The following KCNAB2 variants were observed in gnomAD, a reference collection of about 807,000 sequenced individuals.
KCNAB2 encodes the protein voltage-gated potassium channel subunit beta-2.
A neutral mutation model predicts 63.6 loss-of-function variants in KCNAB2; 29 were observed. The ratio of observed to expected loss-of-function variants is 0.46; its 90% CI spans 0.34 to 0.62. The LOEUF (loss-of-function observed/expected upper bound fraction) is 0.62. Among genes scored for constraint, KCNAB2 ranks in the 20% least tolerant of loss-of-function variants. KCNAB2 has a pLI of 0.01. For missense variants in KCNAB2, 359 were observed against 563.9 expected, an observed-to-expected ratio of 0.64 and a Z score of 3.68; for synonymous variants, 222 against 224.2, an observed-to-expected ratio of 0.99 and a Z score of 0.09.
rs188194100 is a variant in KCNAB2, at chr1:6,055,329, G to A, written c.218+3575G>A. ...CCTTGGGGATCTCGCTTCTCAGGGA[G>A]TGGAGGAGACCAGAAGACAAACGCT... On this transcript the variant is annotated intron_variant, in intron 2 of 15. Transcript: ENST00000378083. Among the ~76,000 whole-genome samples, 364 of 151,550 alleles carry A rather than the reference G, an allele frequency of 2.4e-3. 1 individual carries two copies. Among genetic ancestry groups the A allele is most frequent in the Non-Finnish European group, 3.3e-3 (227 of 67,882 alleles).
intron 1 of KCNAB2, among the ~76,000 whole-genome samples, chr1:6,014,286 G>A (rs985791625): frequency 1.3e-5 from 2 of 152,128 alleles, no homozygotes; most frequent in East Asian, 1.9e-4. Context: ...CAGCTTCAGC[G>A]TAGGACTTGG....
Position 6,096,973 on chromosome 1 carries a change from C to T in KCNAB2, c.1069+217C>T, listed in dbSNP as rs906922426. Among the ~76,000 whole-genome samples the T allele has an allele frequency of 6.6e-6, 1 of 152,140 alleles. No homozygotes were observed. Among genetic ancestry groups the T allele is most frequent in the Non-Finnish European group, 1.5e-5 (1 of 67,994 alleles). ...GGGGATGTCAGGAGTCCCTGAGGAC[C>T]TGGGCCACCCCCTCCATCTGCCAGC... On this transcript the variant is annotated intron_variant, in intron 14 of 15. Transcript: ENST00000378083. The surrounding 1 kb of genome is among the most constrained non-coding windows in gnomAD (Gnocchi z 5.9).
At chr1:6,025,343 G>A (rs544677563) in intron 1 of KCNAB2, among the ~76,000 whole-genome samples, 31 of 152,260 alleles carry the variant, frequency 2.0e-4, no homozygotes, top group African/African-American at 7.0e-4. Flanking sequence ...GGCACCATGG[G>A]AGATGGAATG....
chr1:6,047,281 G>C (rs567164568), intron 1 of KCNAB2, among the ~76,000 whole-genome samples: 1 of 152,136 alleles, frequency 6.6e-6, no homozygotes, highest in Non-Finnish European at 1.5e-5. Flanking sequence ...GTGTCTTACC[G>C]GGGGGCCCTT....
intron 1 of KCNAB2, among the ~76,000 whole-genome samples, chr1:6,000,788 G>A (rs191745129): frequency 8.5e-5 from 13 of 152,182 alleles, no homozygotes; most frequent in African/African-American, 2.9e-4. Context: ...CCTCTCCAGG[G>A]CAGTGCTACA....
At chr1:6,083,452 A>T (rs890582997) in intron 5 of KCNAB2, among the ~76,000 whole-genome samples, 2 of 151,866 alleles carry the variant, frequency 1.3e-5, no homozygotes, top group African/African-American at 4.8e-5. Context: ...CCCCTGTTTA[A>T]CTGGACACCC....
At chr1:6,042,385 A>G (rs1417549268), upstream of KCNAB2, among the ~76,000 whole-genome samples, 1 of 152,028 alleles carries the variant, frequency 6.6e-6, no homozygotes, top group African/African-American at 2.4e-5. Flanking sequence ...CATCTTTCTG[A>G]TATGTTTTTC....
upstream of KCNAB2, among the ~76,000 whole-genome samples, chr1:6,042,843 A>ACCCACC: frequency 3.4e-5 from 1 of 29,028 alleles, no homozygotes; most frequent in African/African-American, 1.4e-4. Flanking sequence ...CCCACTCCCC[A>ACCCACC]CCCCCCCCCC....
upstream of KCNAB2, among the ~76,000 whole-genome samples, chr1:6,045,272 C>T (rs575841715): frequency 6.6e-6 from 1 of 152,324 alleles, no homozygotes; most frequent in East Asian, 1.9e-4. This position sits in a 1 kb window ranked among gnomAD's most constrained non-coding sequence, Gnocchi z 4.8. Context: ...GGCGCGCTTT[C>T]TCAGCCGGAA....
intron 1 of KCNAB2, among the ~76,000 whole-genome samples, chr1:6,002,274 T>A (rs1196480434): frequency 6.6e-6 from 1 of 152,206 alleles, no homozygotes; most frequent in African/African-American, 2.4e-5. Flanking sequence ...CAAGGGATCC[T>A]CCCCAAGGGG....
rs775249700 is a variant in KCNAB2 at position 6,096,358 on chromosome 1, C to T, written c.949-278C>T. The T allele has an allele frequency of 8.5e-5, 44 of 520,360 alleles. 1 individual carries two copies. Among genetic ancestry groups the T allele is most frequent in the Non-Finnish European group, 1.4e-4 (41 of 286,418 alleles). The allele number at this position is 520,360 out of a possible 1,614,324, so 32.2% of individuals were successfully genotyped here. A position where few individuals can be genotyped will look rare whatever the true frequency, so the allele number is the denominator to read the frequency against. On this transcript the variant is annotated intron_variant, in intron 13 of 15. Coordinates refer to ENST00000378083, the MANE Select transcript of KCNAB2 (RefSeq NM_001199862.2). The surrounding 1 kb of genome is among the most constrained non-coding windows in gnomAD (Gnocchi z 5.9). ...CCTAAGAGAAGGAAGGCCAGCACCT[C>T]GCCTCCTTGTCCTGACTTGGGGTTG...
At chr1:6,043,483 T>C (rs1660671835), upstream of KCNAB2, among the ~76,000 whole-genome samples, 1 of 152,198 alleles carries the variant, frequency 6.6e-6, no homozygotes, top group African/African-American at 2.4e-5. Flanking sequence ...AGGGAAGCTC[T>C]GAAGCTTACC....
chr1:6,000,158 G>A lies in KCNAB2; in HGVS notation c.-53+7370G>A, dbSNP rs183696938. Among the ~76,000 whole-genome samples the A allele has an allele frequency of 2.0e-5, 3 of 152,114 alleles. No individual in the cohort carries two copies. The East Asian group carries it at 5.8e-4, about 29-fold the overall frequency. On this transcript the variant is annotated intron_variant, in intron 1 of 16. Coordinates refer to the KCNAB2 transcript ENST00000341524. ...CTAGATAGATCCTGCAGCGCCTCCC[G>A]CCTCTGCTCAGCCAGCCCCCCGCAC...
At chr1:6,056,596 T>A (rs1661848376) in intron 2 of KCNAB2, among the ~76,000 whole-genome samples, 1 of 152,144 alleles carries the variant, frequency 6.6e-6, no homozygotes, top group Admixed American at 6.5e-5. Flanking sequence ...TGTGTTTTCC[T>A]CTGCTCCCCA....
At chr1:6,081,798 T>C (rs1329743574) in intron 4 of KCNAB2, among the ~76,000 whole-genome samples, 1 of 152,188 alleles carries the variant, frequency 6.6e-6, no homozygotes, top group Non-Finnish European at 1.5e-5. Context: ...TCATCTTCGC[T>C]AATTACATTG....
chr1:6,066,964 AC>A (rs1201535505), intron 2 of KCNAB2, among the ~76,000 whole-genome samples: 2 of 152,146 alleles, frequency 1.3e-5, no homozygotes, highest in Non-Finnish European at 2.9e-5. Flanking sequence ...GAGGATGCCG[AC>A]CACTCATGTC....
chr1:6,089,982 A>G (rs758395616), intron 8 of KCNAB2, among the ~76,000 whole-genome samples: 1 of 152,244 alleles, frequency 6.6e-6, no homozygotes. Flanking sequence ...GATTACAGGC[A>G]TGGGCCACCA....
chr1:6,060,681 GA>G (rs1662233188), intron 2 of KCNAB2, among the ~76,000 whole-genome samples: 2 of 152,126 alleles, frequency 1.3e-5, no homozygotes. Context: ...GCAGGTGGCG[GA>G]TCACAAGGTC....
chr1:6,049,509 C>T (rs1424656922), intron 1 of KCNAB2, among the ~76,000 whole-genome samples: 1 of 152,196 alleles, frequency 6.6e-6, no homozygotes, highest in Non-Finnish European at 1.5e-5. Flanking sequence ...AGCCCCCCCA[C>T]CCCCGGGAGC....
Sources: allele counts gnomAD v4.1 joint callset (sites outside exome capture counted in the v4.1 genomes callset), GRCh38; gene constraint gnomAD v4.1.1; non-coding constraint Gnocchi (gnomAD v3.1); transcripts MANE v1.5; gene names NCBI Gene and HGNC (gene_info 2026-07-23, HGNC 2026-07-21).